The following USP10 variants were observed in gnomAD, a reference collection of about 807,000 sequenced individuals.
USP10 encodes the protein ubiquitin specific peptidase 10.
A neutral mutation model predicts 84.5 loss-of-function variants in USP10; 22 were observed. The observed-to-expected ratio is 0.26, with a 90% confidence interval of 0.19 to 0.37. The LOEUF (loss-of-function observed/expected upper bound fraction) is 0.37, where lower values mean the gene tolerates loss of function less well. USP10 is among the 10% of genes least tolerant of loss of function. USP10 has a pLI of 1.00. For synonymous variants in USP10, 454 were observed against 387.6 expected (o/e 1.17, Z -2.01); for missense variants, 1,019 against 998.9 (o/e 1.02, Z -0.27).
intron 1 of USP10, among the ~76,000 whole-genome samples, chr16:84,702,351 C>T (rs966056322): frequency 3.3e-5 from 5 of 152,030 alleles, no homozygotes; most frequent in South Asian, 4.2e-4. Context: ...GCCACTACTG[C>T]GCCTGGCCGA....
At chr16:84,715,628 G>A (rs1482026287) in intron 1 of USP10, among the ~76,000 whole-genome samples, 1 of 151,726 alleles carries the variant, frequency 6.6e-6, no homozygotes, top group African/African-American at 2.4e-5. Context: ...ATGTGTTAGG[G>A]TGCCCTCCCT....
chr16:84,766,468 G>A (rs1282980515), intron 10 of USP10, among the ~76,000 whole-genome samples: 2 of 152,202 alleles, frequency 1.3e-5, no homozygotes, highest in African/African-American at 4.8e-5. Context: ...AGCGAGGGAA[G>A]GCTGTGCCCT....
In USP10 at chr16:84,761,659, C is replaced by A. The variant is rs114686537; in HGVS notation, c.1555-1330C>A. Among the ~76,000 whole-genome samples, 1,243 of 152,354 alleles carry A rather than the reference C, an allele frequency of 8.2e-3. 9 individuals carry two copies. Among genetic ancestry groups the A allele is most frequent in the African/African-American group, 0.028 (1,184 of 41,582 alleles). ...TTACTGAGGGCTGGTCCCATAGGTA[C>A]CATCTGCCTGGCTTGAACCAAAAGT... On this transcript the variant is annotated intron_variant, in intron 8 of 13. Transcript: ENST00000219473.
At chr16:84,712,630 G>A (rs530444727) in intron 1 of USP10, among the ~76,000 whole-genome samples, 5 of 152,302 alleles carry the variant, frequency 3.3e-5, no homozygotes, top group South Asian at 2.1e-4. Context: ...CAGATTTGCC[G>A]TCTATAGAAA....
intron 1 of USP10, among the ~76,000 whole-genome samples, chr16:84,714,528 C>G (rs934345307): frequency 2.6e-5 from 4 of 151,856 alleles, no homozygotes; most frequent in Non-Finnish European, 5.9e-5. Flanking sequence ...AAATATTTTC[C>G]TTTGCGATTG....
intron 1 of USP10, among the ~76,000 whole-genome samples, chr16:84,710,052 T>G (rs1280555317): frequency 6.6e-6 from 1 of 152,130 alleles, no homozygotes; most frequent in East Asian, 1.9e-4. Context: ...GACGGATCAC[T>G]TGAGGTAAGG....
At chr16:84,743,450 A>G (rs75033764) in intron 3 of USP10, among the ~76,000 whole-genome samples, 3,637 of 152,228 alleles carry the variant, frequency 0.024, 63 homozygotes, top group Non-Finnish European at 0.037. Flanking sequence ...TTTTTCTTCT[A>G]CAAAAAGATT....
At chr16:84,713,295 G>T (rs1042427778) in intron 1 of USP10, among the ~76,000 whole-genome samples, 9 of 151,676 alleles carry the variant, frequency 5.9e-5, no homozygotes, top group Non-Finnish European at 1.5e-5. Context: ...AGACAGGCTC[G>T]CCCCCTTTGT....
chr16:84,732,335 T>C, intron 1 of USP10: 1 of 349,510 alleles, frequency 2.9e-6, no homozygotes, highest in Non-Finnish European at 5.5e-6. Flanking sequence ...TACCCAGTAC[T>C]GATCATACGT....
chr16:84,755,254 G>T (rs565772293), intron 4 of USP10, among the ~76,000 whole-genome samples: 1 of 151,248 alleles, frequency 6.6e-6, no homozygotes, highest in Non-Finnish European at 1.5e-5. Context: ...TGGCATCTTC[G>T]CCCTAACTCT....
chr16:84,712,208 G>A (rs1008015414), intron 1 of USP10, among the ~76,000 whole-genome samples: 2 of 152,192 alleles, frequency 1.3e-5, no homozygotes, highest in Non-Finnish European at 2.9e-5. Flanking sequence ...TGATTCTGTA[G>A]ATGCCCTGTC....
intron 6 of USP10, chr16:84,759,688 T>G: frequency 1.5e-6 from 1 of 683,606 alleles, no homozygotes; most frequent in South Asian, 1.9e-5. Context: ...GTAGAAAATA[T>G]TTTAGCGTTT....
chr16:84,735,712 A>G (rs1024269887), intron 2 of USP10, among the ~76,000 whole-genome samples: 1 of 152,156 alleles, frequency 6.6e-6, no homozygotes, highest in Non-Finnish European at 1.5e-5. Context: ...TCTCATGAAA[A>G]TGAGCTCAAG....
chr16:84,748,606 G>A (rs1911534089), intron 4 of USP10, among the ~76,000 whole-genome samples: 2 of 152,096 alleles, frequency 1.3e-5, no homozygotes, highest in Non-Finnish European at 2.9e-5. Context: ...GCCCAGCTGA[G>A]AATATTATAG....
At chr16:84,712,743 C>A (rs1002101205) in intron 1 of USP10, among the ~76,000 whole-genome samples, 4 of 152,216 alleles carry the variant, frequency 2.6e-5, no homozygotes, top group Admixed American at 6.5e-5. Flanking sequence ...AGCTGCTCTT[C>A]AGGTTCTTCA....
At chr16:84,732,444 C>CTTTTTTT (rs762146698) in intron 1 of USP10, 21 of 318,340 alleles carry the variant, frequency 6.6e-5, no homozygotes, top group Middle Eastern at 1.1e-3. Context: ...TCTTCTTCTT[C>CTTTTTTT]TTTTTTTTTT....
chr16:84,745,805 A>G (rs972442991), intron 4 of USP10, 132 bp downstream of exon 4: 107 of 911,158 alleles, frequency 1.2e-4, no homozygotes, highest in South Asian at 4.1e-4. Flanking sequence ...AAGGATGCCT[A>G]TGTCTTAAAT....
At chr16:84,732,581 G>A (rs891225929) in intron 1 of USP10, 1 of 333,238 alleles carries the variant, frequency 3.0e-6, no homozygotes, top group Non-Finnish European at 5.8e-6. Context: ...CGAGCAGCCG[G>A]GACTACAGGT....
rs771180123 is a variant in USP10 at position 84,745,039 on chromosome 16, G to A, written c.558G>A (p.Pro186=). Residue 186 remains proline, a synonymous_variant, in exon 4 of 14, where the codon CCG becomes CCA. Coordinates refer to ENST00000219473, the MANE Select transcript of USP10 (RefSeq NM_005153.3). ...LVNGHANSAV[P]NSVSAEDAEF... ...ATGGCCATGCCAATTCAGCAGTCCC[G>A]AACAGTGTCAGTGCAGAGGATGCAG... 7.4e-6 allele frequency: 12 copies of A among 1,613,674 alleles called. No homozygotes were observed. Among genetic ancestry groups the A allele is most frequent in the East Asian group, 2.2e-5 (1 of 44,900 alleles).
Sources: allele counts gnomAD v4.1 joint callset (sites outside exome capture counted in the v4.1 genomes callset), GRCh38; gene constraint gnomAD v4.1.1; transcripts MANE v1.5; gene names NCBI Gene and HGNC (gene_info 2026-07-23, HGNC 2026-07-21).